PFKFB3: variants seen among roughly 807,000 people sequenced by gnomAD.
The protein encoded by PFKFB3 is 6-phosphofructo-2-kinase/fructose-2,6-biphosphatase 3.
PFKFB3 carries 33 observed loss-of-function variants against 68.0 expected under a neutral mutation model. That is an observed-to-expected ratio of 0.49 (90% CI 0.37 to 0.65). The LOEUF is 0.65. Among genes scored for constraint, PFKFB3 ranks in the 30% least tolerant of loss-of-function variants. The pLI is 0.00. For synonymous variants in PFKFB3, 315 were observed against 288.2 expected, an observed-to-expected ratio of 1.09 and a Z score of -0.94; for missense variants, 586 against 712.2, an observed-to-expected ratio of 0.82 and a Z score of 2.02.
Position 6,155,839 on chromosome 10 carries a change from C to T in PFKFB3, c.16+10826C>T, listed in dbSNP as rs1841764126. On this transcript the variant is annotated intron_variant, in intron 1 of 14. Transcript: ENST00000379789. ...GAAAAACAGATTTAAAAACCTCATT[C>T]GTGTTTGAACATGGAAAGAAAGAAT... Among the ~76,000 whole-genome samples, 8 of 152,238 alleles carry T rather than the reference C, an allele frequency of 5.3e-5. No individual in the cohort carries two copies. The South Asian group carries it at 1.7e-3, about 32-fold the overall frequency.
At chr10:6,273,419 T>C in the PFKFB3 span, among the ~76,000 whole-genome samples, 1 of 152,094 alleles carries the variant, frequency 6.6e-6, no homozygotes, top group South Asian at 2.1e-4. Flanking sequence ...CCCGCCGCCA[T>C]GCAACCTACA....
chr10:6,177,415 CTCTTTCTTCCTTTCTT>C (rs1564599749), intron 1 of PFKFB3, among the ~76,000 whole-genome samples: 47 of 39,790 alleles, frequency 1.2e-3, no homozygotes, highest in African/African-American at 3.2e-3. Context: ...TTTCTTCTTT[CTCTTTCTTCCTTTCTT>C]TTCTTTCTCT....
chr10:6,184,095 C>T (rs901742667), intron 1 of PFKFB3, among the ~76,000 whole-genome samples: 4 of 151,608 alleles, frequency 2.6e-5, no homozygotes, highest in African/African-American at 9.7e-5. Flanking sequence ...CTCTGTTGCC[C>T]AGACTGGAGT....
chr10:6,194,616 C>T (rs1216650106), intron 1 of PFKFB3, among the ~76,000 whole-genome samples: 1 of 152,158 alleles, frequency 6.6e-6, no homozygotes. Context: ...CCAGTAGCGC[C>T]ATCTGATAAT....
intron 1 of PFKFB3, among the ~76,000 whole-genome samples, chr10:6,184,724 G>T (rs961976505): frequency 1.3e-5 from 2 of 150,724 alleles, no homozygotes; most frequent in Admixed American, 6.6e-5. Context: ...CACCTGCCTC[G>T]GCCTCCCAAA....
chr10:6,197,984 T>C (rs1843219469), upstream of PFKFB3, among the ~76,000 whole-genome samples: 1 of 152,198 alleles, frequency 6.6e-6, no homozygotes, highest in Non-Finnish European at 1.5e-5. Context: ...GTTGCTTTTA[T>C]TCTTTTCTAT....
At chr10:6,239,702 C>T (rs1383733132), downstream of PFKFB3, among the ~76,000 whole-genome samples, 1 of 152,102 alleles carries the variant, frequency 6.6e-6, no homozygotes, top group Non-Finnish European at 1.5e-5. Flanking sequence ...GAGAGAGGGT[C>T]TTGCTCTGTT....
chr10:6,205,322 C>T (rs939506288), intron 1 of PFKFB3, among the ~76,000 whole-genome samples: 7 of 150,042 alleles, frequency 4.7e-5, no homozygotes, highest in Non-Finnish European at 1.0e-4. Context: ...TATTTGGTAT[C>T]TTTCCTGACA....
chr10:6,243,507 C>A (rs1846186280), intron 14 of PFKFB3, among the ~76,000 whole-genome samples: 1 of 152,190 alleles, frequency 6.6e-6, no homozygotes, highest in African/African-American at 2.4e-5. Flanking sequence ...CCTGGGCAGG[C>A]TCTGGGTGCT....
the PFKFB3 span, among the ~76,000 whole-genome samples, chr10:6,289,896 G>T: frequency 6.6e-6 from 1 of 152,078 alleles, no homozygotes; most frequent in South Asian, 2.1e-4. Flanking sequence ...GTGGTTTGTA[G>T]TTCTCCTTGA....
Position 6,215,374 on chromosome 10 carries a change from C to A in PFKFB3, c.299+57C>A. On this transcript the variant is annotated intron_variant, in intron 3 of 14. Transcript: ENST00000379775. The surrounding 1 kb of genome is among the most constrained non-coding windows in gnomAD (Gnocchi z 4.3). ...TGTGGGAATAAGGCTGGGCCGCGGGCATAAGGCTGGGCTGCAGGAGTAAGG... is the reference window on the plus strand; with the variant it reads ...TGTGGGAATAAGGCTGGGCCGCGGGAATAAGGCTGGGCTGCAGGAGTAAGG... 1 of 1,342,042 alleles carries A rather than the reference C, an allele frequency of 7.5e-7. No individual in the cohort carries two copies. The highest frequency in any genetic ancestry group is 1.2e-5 in the South Asian group (1 of 84,048). 83.1% of individuals were successfully genotyped at this position (1,342,042 alleles called of 1,614,324 possible).
At chr10:6,149,245 G>A (rs568845687) in intron 1 of PFKFB3, among the ~76,000 whole-genome samples, 3 of 152,234 alleles carry the variant, frequency 2.0e-5, no homozygotes, top group Admixed American at 6.5e-5. Context: ...ATTTTTGTAC[G>A]TTCCACCTTC....
chr10:6,213,769 C>T (rs764063779), intron 2 of PFKFB3, 21 bp downstream of exon 2: 203 of 1,608,496 alleles, frequency 1.3e-4, no homozygotes, highest in Middle Eastern at 4.9e-4. Flanking sequence ...GTCTCGAGGC[C>T]GGACCCCTGC....
At chr10:6,216,859 G>A (rs1327061911) in intron 5 of PFKFB3, 79 bp downstream of exon 5, 29 of 961,762 alleles carry the variant, frequency 3.0e-5, no homozygotes, top group East Asian at 1.5e-4. Flanking sequence ...AGTCCTGCTT[G>A]GTCCTTCCCC....
At position 6,226,258 on chromosome 10, in the gene PFKFB3, C is replaced by T; in HGVS notation, c.1408C>T (p.Pro470Ser). The change falls in exon 14 of 15, where the codon CCC becomes TCC. Residue 470 changes from proline (P) to serine (S), a missense_variant. Transcript: ENST00000379775. ...TGTCACCCCGCTAGCCAGCCCCGAA[C>T]CCACCAAAAAGCCTCGCATCAACAG... ...NSVTPLASPE[P>S]TKKPRINSFE... is the part of the protein sequence containing the mutation. 6.2e-7 allele frequency: 1 copy of T among 1,614,190 alleles called. No individual in the cohort carries two copies. Among genetic ancestry groups the T allele is most frequent in the Non-Finnish European group, 8.5e-7 (1 of 1,179,992 alleles).
intron 1 of PFKFB3, among the ~76,000 whole-genome samples, chr10:6,189,729 G>C (rs1005930374): frequency 1.3e-5 from 2 of 151,974 alleles, no homozygotes; most frequent in African/African-American, 4.8e-5. Context: ...TGGACAGGCT[G>C]GTCTCGAACT....
the PFKFB3 span, among the ~76,000 whole-genome samples, chr10:6,326,311 G>A: frequency 6.6e-6 from 1 of 152,112 alleles, no homozygotes; most frequent in Non-Finnish European, 1.5e-5. Context: ...TGGTGGTAAA[G>A]CATTAGGGAA....
chr10:6,217,055 C>T (rs1166021041), intron 5 of PFKFB3, 80 bp from the exon 6 acceptor site: 34 of 1,395,534 alleles, frequency 2.4e-5, no homozygotes, highest in East Asian at 4.6e-5. Context: ...CCGCCTTGTC[C>T]GGGTGATGAC....
At chr10:6,293,673 A>G in the PFKFB3 span, 1 of 276,662 alleles carries the variant, frequency 3.6e-6, no homozygotes, top group South Asian at 5.3e-5. Flanking sequence ...TGATAAAACC[A>G]ACATGTCCAG....
Sources: gnomAD v4.1 joint callset for allele counts (sites outside exome capture counted in the v4.1 genomes callset) on GRCh38, gnomAD v4.1.1 for gene constraint, Gnocchi (gnomAD v3.1) non-coding constraint, MANE v1.5 for transcripts, NCBI Gene and HGNC (gene_info 2026-07-23, HGNC 2026-07-21) for gene names.